Variants in GRIA2 observed in about 807,000 individuals in gnomAD.
GRIA2 encodes glutamate ionotropic receptor AMPA type subunit 2.
In GRIA2, 14 loss-of-function variants were observed where a neutral mutation model predicts 97.3. The ratio of observed to expected loss-of-function variants is 0.14; its 90% CI spans 0.10 to 0.23. GRIA2 has a LOEUF of 0.23. Among genes scored for constraint, GRIA2 ranks in the 10% least tolerant of loss-of-function variants. GRIA2 has a pLI of 1.00. For missense variants in GRIA2, 558 were observed against 1,069.8 expected (o/e 0.52, Z 6.67); for synonymous variants, 412 against 387.8 (o/e 1.06, Z -0.73).
chr4:157,297,047 T>G (rs1733377778), intron 2 of GRIA2, among the ~76,000 whole-genome samples: 1 of 152,106 alleles, frequency 6.6e-6, no homozygotes, highest in East Asian at 1.9e-4. Context: ...TGCAAGAAAT[T>G]GATGGATTTT....
rs1322342681 is a variant in GRIA2, at chr4:157,221,865, AGT to A, written c.229+68_229+69del. The A allele has an allele frequency of 1.3e-4, 198 of 1,520,736 alleles. 1 individual carries two copies. The African/African-American group carries it at 2.2e-3, about 17-fold the overall frequency. 94.2% of individuals were successfully genotyped at this position (1,520,736 alleles called of 1,614,324 possible). On this transcript the variant is annotated intron_variant, in intron 2 of 15. Transcript: ENST00000264426. ...TGCACGCGGAAGGCCAGCGAGTGTG[AGT>A]GTGTGTGTGCGTTTCTGGGGTGGTG...
chr4:157,282,039 A>G (rs1305658152), intron 2 of GRIA2, among the ~76,000 whole-genome samples: 2 of 152,140 alleles, frequency 1.3e-5, no homozygotes, highest in East Asian at 1.9e-4. Flanking sequence ...AGTTATGCCA[A>G]TGTTTTCACT....
intron 12 of GRIA2, among the ~76,000 whole-genome samples, chr4:157,350,270 C>T (rs1422794487): frequency 6.6e-6 from 1 of 152,056 alleles, no homozygotes; most frequent in Non-Finnish European, 1.5e-5. Context: ...TTCTGAATTC[C>T]CTCAACTATT....
At chr4:157,306,605 G>A in intron 3 of GRIA2, among the ~76,000 whole-genome samples, 1 of 152,162 alleles carries the variant, frequency 6.6e-6, no homozygotes, top group Non-Finnish European at 1.5e-5. Context: ...TATTTCAGTG[G>A]CCTTCTATCT....
chr4:157,361,160 T>A lies in GRIA2; in HGVS notation c.2406+36T>A. 6.8e-7 allele frequency: 1 copy of A among 1,479,526 alleles called. No homozygotes were observed. The highest frequency in any genetic ancestry group is 9.4e-7 in the Non-Finnish European group (1 of 1,058,206). The allele number at this position is 1,479,526 out of a possible 1,614,324, so 91.6% of individuals were successfully genotyped here. A position where few individuals can be genotyped will look rare whatever the true frequency, so the allele number is the denominator to read the frequency against. ...GTGAGAAAAGTAATGGGTAACTCAATGCAAAACAAAGTAAGCAGCAGCTAT... is the reference window on the plus strand; with the variant it reads ...GTGAGAAAAGTAATGGGTAACTCAAAGCAAAACAAAGTAAGCAGCAGCTAT... On this transcript the variant is annotated intron_variant, in intron 14 of 15. Transcript: ENST00000264426. This position sits in a 1 kb window ranked among gnomAD's most constrained non-coding sequence, Gnocchi z 5.2.
At chr4:157,223,114 A>G (rs1162950498) in intron 2 of GRIA2, among the ~76,000 whole-genome samples, 1 of 152,204 alleles carries the variant, frequency 6.6e-6, no homozygotes, top group East Asian at 1.9e-4. Flanking sequence ...CACGTCACAC[A>G]AACAACTGGT....
intron 4 of GRIA2, 72 bp from the exon 5 acceptor site, chr4:157,317,586 G>C: frequency 1.6e-6 from 1 of 624,348 alleles, no homozygotes; most frequent in Non-Finnish European, 2.9e-6. Context: ...CCCTGAATCA[G>C]ATCATAATAC....
chr4:157,347,728 TAGAGA>T (rs764249820), intron 12 of GRIA2, among the ~76,000 whole-genome samples: 1 of 152,146 alleles, frequency 6.6e-6, no homozygotes, highest in Non-Finnish European at 1.5e-5. Flanking sequence ...CAGAGCTCTA[TAGAGA>T]AGAGAATAGA....
intron 12 of GRIA2, among the ~76,000 whole-genome samples, chr4:157,347,242 A>G (rs1735801603): frequency 6.6e-6 from 1 of 152,156 alleles, no homozygotes; most frequent in Non-Finnish European, 1.5e-5. Context: ...ATTATTGTGC[A>G]AAGTGGCAGC....
intron 3 of GRIA2, among the ~76,000 whole-genome samples, chr4:157,306,162 A>G (rs1464736664): frequency 6.6e-6 from 1 of 152,148 alleles, no homozygotes; most frequent in Non-Finnish European, 1.5e-5. Flanking sequence ...TTTTTAGTTT[A>G]AGAATACACT....
chr4:157,269,238 G>A (rs1326423210), intron 2 of GRIA2, among the ~76,000 whole-genome samples: 4 of 151,862 alleles, frequency 2.6e-5, no homozygotes, highest in Non-Finnish European at 4.4e-5. Flanking sequence ...AACCAAGAAA[G>A]GTCAAAATTA....
rs1314416312 is a variant in GRIA2 at position 157,240,816 on chromosome 4, G to A, written c.229+19009G>A. Among the ~76,000 whole-genome samples the A allele has an allele frequency of 7.9e-5, 12 of 151,302 alleles. No individual in the cohort carries two copies. The South Asian group carries it at 1.7e-3, about 21-fold the overall frequency. On this transcript the variant is annotated intron_variant, in intron 2 of 15. Transcript: ENST00000264426. ...GCTGGTGCGCCGCACCCACTAACTC[G>A]TCATCTAGCATTAGGTATATCTCCC...
At chr4:157,223,349 G>A (rs2126673775) in intron 2 of GRIA2, among the ~76,000 whole-genome samples, 1 of 152,308 alleles carries the variant, frequency 6.6e-6, no homozygotes, top group Admixed American at 6.5e-5. Context: ...TTCTTCAAAT[G>A]TTGGTGCCAA....
At chr4:157,269,274 A>G (rs1415674602) in intron 2 of GRIA2, among the ~76,000 whole-genome samples, 2 of 152,096 alleles carry the variant, frequency 1.3e-5, no homozygotes, top group African/African-American at 4.8e-5. Flanking sequence ...GGAAAGAGAA[A>G]GATGAAACCC....
At chr4:157,360,880 C>T (rs1400688103) in intron 13 of GRIA2, 130 bp from the exon 14 acceptor site, 6 of 704,352 alleles carry the variant, frequency 8.5e-6, no homozygotes, top group South Asian at 8.2e-5. Flanking sequence ...ATTATTGTGG[C>T]CTTTTTCCCA....
chr4:157,237,730 T>C (rs1003601379), intron 2 of GRIA2, among the ~76,000 whole-genome samples: 1 of 152,168 alleles, frequency 6.6e-6, no homozygotes, highest in African/African-American at 2.4e-5. Flanking sequence ...AGTGTTGTTA[T>C]CATAAATTGT....
chr4:157,336,866 G>A, intron 11 of GRIA2, 119 bp downstream of exon 11: 1 of 839,806 alleles, frequency 1.2e-6, no homozygotes, highest in South Asian at 1.6e-5. Flanking sequence ...AGCAGTTTAA[G>A]ACTCTTGAAG....
intron 12 of GRIA2, among the ~76,000 whole-genome samples, chr4:157,346,565 A>T (rs896612848): frequency 1.3e-5 from 2 of 152,118 alleles, no homozygotes; most frequent in East Asian, 3.9e-4. Context: ...TTGTGTCTCT[A>T]TATATGCAGA....
intron 2 of GRIA2, among the ~76,000 whole-genome samples, chr4:157,279,843 G>A (rs186573942): frequency 1.4e-3 from 208 of 152,072 alleles, no homozygotes; most frequent in African/African-American, 4.7e-3. Flanking sequence ...CATATGACTC[G>A]CCTGGGCGTG....
Sources: gnomAD v4.1 joint callset for allele counts (sites outside exome capture counted in the v4.1 genomes callset) on GRCh38, gnomAD v4.1.1 for gene constraint, Gnocchi (gnomAD v3.1) non-coding constraint, MANE v1.5 for transcripts, NCBI Gene and HGNC (gene_info 2026-07-23, HGNC 2026-07-21) for gene names.